Variants in RBMS1 observed in about 807,000 individuals in gnomAD.
The protein encoded by RBMS1 is RNA binding motif single stranded interacting protein 1, also known as RNA-binding motif, single-stranded-interacting protein 1.
A neutral mutation model predicts 62.3 loss-of-function variants in RBMS1; 17 were observed. The observed-to-expected ratio is 0.27, with a 90% CI of 0.19 to 0.41. The LOEUF is 0.41. Ranked by LOEUF, RBMS1 falls within the 10% of genes least tolerant of loss-of-function variation. The pLI is 1.00. For missense variants in RBMS1, 334 were observed against 504.5 expected (o/e 0.66, Z 3.24); for synonymous variants, 172 against 170.0 (o/e 1.01, Z -0.09).
intron 1 of RBMS1, among the ~76,000 whole-genome samples, chr2:160,381,948 C>G (rs1402337893): frequency 6.6e-6 from 1 of 152,156 alleles, no homozygotes; most frequent in Non-Finnish European, 1.5e-5. Flanking sequence ...TTCAACTCAA[C>G]AAAAAGTCAG....
intron 6 of RBMS1, among the ~76,000 whole-genome samples, chr2:160,290,269 G>C (rs1696846373): frequency 6.6e-6 from 1 of 151,128 alleles, no homozygotes; most frequent in South Asian, 2.2e-4. Flanking sequence ...ACAAGGGAGA[G>C]ATACCGGAAG....
At chr2:160,276,422 T>G (rs1269971484) in intron 12 of RBMS1, among the ~76,000 whole-genome samples, 1 of 147,646 alleles carries the variant, frequency 6.8e-6, no homozygotes, top group Admixed American at 6.7e-5. Flanking sequence ...CACCACCACC[T>G]CCACCAACAG....
At chr2:160,286,856 C>T in intron 7 of RBMS1, 113 bp downstream of exon 7, 2 of 1,542,994 alleles carry the variant, frequency 1.3e-6, no homozygotes, top group African/African-American at 1.4e-5. Context: ...AATCCTGGCA[C>T]CTATTTCAGA....
intron 1 of RBMS1, among the ~76,000 whole-genome samples, chr2:160,404,488 T>A (rs1273580626): frequency 1.3e-5 from 2 of 152,150 alleles, no homozygotes; most frequent in Non-Finnish European, 2.9e-5. Flanking sequence ...AATTTGAAAA[T>A]AATACAGTAT....
At chr2:160,410,473 G>A (rs1020455287) in intron 1 of RBMS1, among the ~76,000 whole-genome samples, 5 of 151,858 alleles carry the variant, frequency 3.3e-5, no homozygotes, top group Non-Finnish European at 5.9e-5. Context: ...AAAATGTAAT[G>A]AAGTCACTCA....
At chr2:160,317,611 G>A (rs985856388) in intron 3 of RBMS1, among the ~76,000 whole-genome samples, 1 of 152,068 alleles carries the variant, frequency 6.6e-6, no homozygotes, top group Non-Finnish European at 1.5e-5. Context: ...TCAAAGGGGC[G>A]CATGACCTCC....
intron 1 of RBMS1, among the ~76,000 whole-genome samples, chr2:160,371,484 T>C (rs185804258): frequency 6.6e-6 from 1 of 152,314 alleles, no homozygotes; most frequent in Admixed American, 6.5e-5. Context: ...AGCCTAATTT[T>C]TCCTGTTATC....
chr2:160,473,864 T>G (rs1685023518), intron 1 of RBMS1, among the ~76,000 whole-genome samples: 1 of 152,152 alleles, frequency 6.6e-6, no homozygotes, highest in Non-Finnish European at 1.5e-5. Context: ...TTTTTAAAGG[T>G]CCTATAAATA....
At chr2:160,352,198 C>T (rs892185122) in intron 2 of RBMS1, among the ~76,000 whole-genome samples, 1 of 152,072 alleles carries the variant, frequency 6.6e-6, no homozygotes, top group African/African-American at 2.4e-5. Flanking sequence ...GCTCTAATGC[C>T]GGAAGGAGCG....
chr2:160,403,423 T>C (rs1423249031), intron 1 of RBMS1, among the ~76,000 whole-genome samples: 1 of 152,192 alleles, frequency 6.6e-6, no homozygotes, highest in Non-Finnish European at 1.5e-5. Flanking sequence ...TAAACACAAA[T>C]TGCTGTGAAC....
intron 1 of RBMS1, among the ~76,000 whole-genome samples, chr2:160,419,667 G>T (rs1167255171): frequency 1.3e-5 from 2 of 152,160 alleles, no homozygotes; most frequent in Admixed American, 6.5e-5. Flanking sequence ...TTGATTCAGA[G>T]GATCCCAGAC....
At chr2:160,303,222 T>C (rs1689310895) in intron 5 of RBMS1, 108 bp downstream of exon 5, 1 of 1,175,208 alleles carries the variant, frequency 8.5e-7, no homozygotes, top group East Asian at 2.7e-5. Flanking sequence ...GTGCAACTGC[T>C]CCCATAACCC....
At chr2:160,478,459 T>C (rs777325394) in intron 1 of RBMS1, among the ~76,000 whole-genome samples, 12 of 152,224 alleles carry the variant, frequency 7.9e-5, no homozygotes, top group East Asian at 3.8e-4. Flanking sequence ...ACTTAGGAAA[T>C]TGCACAAACC....
intron 1 of RBMS1, among the ~76,000 whole-genome samples, chr2:160,427,821 T>C (rs181218854): frequency 6.6e-4 from 100 of 152,334 alleles, no homozygotes; most frequent in East Asian, 1.9e-4. Context: ...GAATGTTAAG[T>C]TGAATTTCAT....
intron 2 of RBMS1, among the ~76,000 whole-genome samples, chr2:160,340,532 T>C (rs1479158169): frequency 6.6e-6 from 1 of 151,848 alleles, no homozygotes; most frequent in South Asian, 2.1e-4. Context: ...CAATAGAAAT[T>C]ATAGGGGGCT....
chr2:160,322,974 T>C (rs12465609), intron 2 of RBMS1, among the ~76,000 whole-genome samples: 110,397 of 151,938 alleles, frequency 0.73, 41,332 homozygotes, highest in East Asian at 0.84. Context: ...GGGTTCACAG[T>C]AGTCATCATC....
At chr2:160,450,556 T>TAAAAAAAAGAAAAAAAAAAAAAAAAAAA (rs1553528013) in intron 1 of RBMS1, among the ~76,000 whole-genome samples, 1 of 9,562 alleles carries the variant, frequency 1.0e-4, no homozygotes, top group Non-Finnish European at 2.5e-4. Flanking sequence ...AAATAAAAAA[T>TAAAAAAAAGAAAAAAAAAAAAAAAAAAA]AAAAAATGAA....
At chr2:160,485,282 T>C (rs1685551887) in intron 1 of RBMS1, among the ~76,000 whole-genome samples, 2 of 152,244 alleles carry the variant, frequency 1.3e-5, no homozygotes, top group South Asian at 4.1e-4. Context: ...CCCATCTTCT[T>C]GAAACCCCTC....
At position 160,405,978 on chromosome 2, in the gene RBMS1, T is replaced by C. The variant is rs559606747; in HGVS notation, c.76-38587A>G. Among the ~76,000 whole-genome samples, 8 of 152,334 alleles carry C rather than the reference T, an allele frequency of 5.3e-5. No homozygotes were observed. The South Asian group carries it at 1.0e-3, about 20-fold the overall frequency. ...GCTGCATTTATGAAGTTGATGTAAG[T>C]GTACTGGATCCGAGAGCATTTCTTT... is the stretch of plus-strand genomic sequence containing the variant. On this transcript the variant is annotated intron_variant, in intron 1 of 13. Coordinates refer to ENST00000348849, the MANE Select transcript of RBMS1 (RefSeq NM_016836.4).
Sources: gnomAD v4.1 joint callset for allele counts (sites outside exome capture counted in the v4.1 genomes callset) on GRCh38, gnomAD v4.1.1 for gene constraint, MANE v1.5 for transcripts, NCBI Gene and HGNC (gene_info 2026-07-23, HGNC 2026-07-21) for gene names.